Variants in HS3ST4 observed in about 807,000 individuals in gnomAD.
HS3ST4 encodes the protein heparan sulfate glucosamine 3-O-sulfotransferase 4.
Under a neutral mutation model 29.2 loss-of-function variants are expected in HS3ST4, and 17 were observed. The ratio of observed to expected loss-of-function variants is 0.58; its 90% CI spans 0.40 to 0.87. The LOEUF is 0.87. HS3ST4 is among the 40% of genes least tolerant of loss of function. The pLI is 0.00. For synonymous variants in HS3ST4, 314 were observed against 285.7 expected, an observed-to-expected ratio of 1.10 and a Z score of -1.00; for missense variants, 627 against 634.5, an observed-to-expected ratio of 0.99 and a Z score of 0.13.
At position 25,870,337 on chromosome 16, in the gene HS3ST4, A is replaced by T. The variant is rs113547512; in HGVS notation, c.734+177186A>T. Among the ~76,000 whole-genome samples the T allele has an allele frequency of 8.1e-3, 1,232 of 152,304 alleles. 16 individuals carry two copies. Among genetic ancestry groups the T allele is most frequent in the African/African-American group, 0.029 (1,188 of 41,560 alleles). On this transcript the variant is annotated intron_variant, in intron 1 of 1. Coordinates refer to ENST00000331351, the MANE Select transcript of HS3ST4 (RefSeq NM_006040.3). The stretch of plus-strand genomic sequence containing the variant: ...GGAACTTATAGTTAAGGATGGATGG[A>T]CAATACCTAAGATAAAATAAGTAAA...
intron 1 of HS3ST4, among the ~76,000 whole-genome samples, chr16:25,695,451 T>C (rs900976401): frequency 6.6e-6 from 1 of 152,206 alleles, no homozygotes; most frequent in Non-Finnish European, 1.5e-5. Flanking sequence ...TGGGACTGCT[T>C]TGGACCACTC....
intron 1 of HS3ST4, among the ~76,000 whole-genome samples, chr16:25,778,029 A>G (rs1404714855): frequency 6.6e-6 from 1 of 152,124 alleles, no homozygotes. Flanking sequence ...AGGTTGGGCC[A>G]GGTGGATTGG....
intron 1 of HS3ST4, among the ~76,000 whole-genome samples, chr16:25,903,273 C>CGTGTGTGTGTGTGTGTGTGT (rs71385584): frequency 1.9e-4 from 11 of 58,398 alleles, no homozygotes; most frequent in African/African-American, 5.0e-4. Context: ...GAAGAATATA[C>CGTGTGTGTGTGTGTGTGTGT]GTGTGTGTGT....
At chr16:25,842,235 A>G (rs575516735) in intron 1 of HS3ST4, among the ~76,000 whole-genome samples, 3 of 152,230 alleles carry the variant, frequency 2.0e-5, no homozygotes, top group Non-Finnish European at 4.4e-5. Context: ...TTGGAATTAC[A>G]CATGGCACTA....
At chr16:25,805,051 G>T (rs928366268) in intron 1 of HS3ST4, among the ~76,000 whole-genome samples, 2 of 152,108 alleles carry the variant, frequency 1.3e-5, no homozygotes, top group South Asian at 4.1e-4. Flanking sequence ...TCTCCTCCAA[G>T]TGTGTTAAGA....
chr16:25,763,367 C>G (rs922121600), intron 1 of HS3ST4, among the ~76,000 whole-genome samples: 8 of 152,264 alleles, frequency 5.3e-5, no homozygotes, highest in Middle Eastern at 6.8e-3. Context: ...CAAGTCTCCC[C>G]CTAGCAGACT....
At chr16:25,808,656 G>T (rs185523134) in intron 1 of HS3ST4, among the ~76,000 whole-genome samples, 47 of 152,288 alleles carry the variant, frequency 3.1e-4, no homozygotes, top group East Asian at 3.1e-3. Context: ...AAAACCTTGT[G>T]CAGTTTTTGA....
At chr16:25,939,386 G>A (rs1968551697) in intron 1 of HS3ST4, among the ~76,000 whole-genome samples, 1 of 151,346 alleles carries the variant, frequency 6.6e-6, no homozygotes, top group South Asian at 2.1e-4. Flanking sequence ...TGCCCAGGCT[G>A]GAGTGCAATG....
chr16:25,956,455 A>G (rs1382181703), intron 1 of HS3ST4, among the ~76,000 whole-genome samples: 2 of 152,204 alleles, frequency 1.3e-5, no homozygotes, highest in Non-Finnish European at 2.9e-5. Flanking sequence ...TCAAAGTCCT[A>G]GGCAGATCAG....
At chr16:25,761,516 G>A (rs1167800223) in intron 1 of HS3ST4, among the ~76,000 whole-genome samples, 1 of 152,200 alleles carries the variant, frequency 6.6e-6, no homozygotes, top group Non-Finnish European at 1.5e-5. Flanking sequence ...GGTCAGCCAG[G>A]AGAGGTTTGG....
intron 1 of HS3ST4, among the ~76,000 whole-genome samples, chr16:26,009,502 T>G (rs891361160): frequency 3.3e-5 from 5 of 152,200 alleles, no homozygotes. Context: ...AGTAAGATCC[T>G]CAAATACCAG....
chr16:25,784,741 A>C (rs976531311), intron 1 of HS3ST4, among the ~76,000 whole-genome samples: 6 of 152,226 alleles, frequency 3.9e-5, no homozygotes, highest in African/African-American at 1.4e-4. Context: ...ATGCGAGGTA[A>C]AGCAGCAAGT....
At chr16:25,883,883 G>A (rs1265455274) in intron 1 of HS3ST4, among the ~76,000 whole-genome samples, 7 of 152,146 alleles carry the variant, frequency 4.6e-5, no homozygotes, top group Admixed American at 1.3e-4. Context: ...GGGAGGCCGA[G>A]GCAGGTGGAT....
intron 1 of HS3ST4, among the ~76,000 whole-genome samples, chr16:25,835,504 C>T (rs1967347696): frequency 6.8e-6 from 1 of 147,420 alleles, no homozygotes; most frequent in Admixed American, 6.8e-5. Flanking sequence ...AAAAAAAAAT[C>T]AAGTTGGCTA....
At chr16:26,004,021 C>G (rs1426172162) in intron 1 of HS3ST4, among the ~76,000 whole-genome samples, 1 of 152,066 alleles carries the variant, frequency 6.6e-6, no homozygotes, top group Non-Finnish European at 1.5e-5. Context: ...TACTCTTGTC[C>G]CCTCTCTACT....
chr16:25,823,081 G>C (rs1002736876), intron 1 of HS3ST4, among the ~76,000 whole-genome samples: 5 of 152,080 alleles, frequency 3.3e-5, no homozygotes, highest in African/African-American at 1.2e-4. Flanking sequence ...TCTTAGAAAG[G>C]GACCTGCAAT....
At chr16:25,728,152 C>T (rs1966549593) in intron 1 of HS3ST4, among the ~76,000 whole-genome samples, 2 of 152,264 alleles carry the variant, frequency 1.3e-5, no homozygotes, top group South Asian at 2.1e-4. Context: ...CAGGCACGCG[C>T]CATCACACCC....
chr16:26,004,270 C>T (rs1439135645), intron 1 of HS3ST4, among the ~76,000 whole-genome samples: 2 of 152,180 alleles, frequency 1.3e-5, no homozygotes, highest in Admixed American at 1.3e-4. Context: ...ATTGTATGCA[C>T]TTCTCTCTCT....
chr16:25,706,262 A>G (rs532737315), intron 1 of HS3ST4, among the ~76,000 whole-genome samples: 2 of 152,304 alleles, frequency 1.3e-5, no homozygotes, highest in African/African-American at 4.8e-5. Flanking sequence ...AGTGACCAGA[A>G]GATTCTGTCA....
Sources: gnomAD v4.1 joint callset for allele counts (sites outside exome capture counted in the v4.1 genomes callset) on GRCh38, gnomAD v4.1.1 for gene constraint, MANE v1.5 for transcripts, NCBI Gene and HGNC (gene_info 2026-07-23, HGNC 2026-07-21) for gene names.